The following SEC24C variants were observed in gnomAD, a reference collection of about 807,000 sequenced individuals.
SEC24C encodes the protein SEC24 homolog C, COPII component, also known as protein transport protein Sec24C.
SEC24C carries 22 observed loss-of-function variants against 117.0 expected under a neutral mutation model. That is an observed-to-expected ratio of 0.19 (90% CI 0.13 to 0.27). SEC24C has a LOEUF of 0.27. Among genes scored for constraint, SEC24C ranks in the 10% least tolerant of loss-of-function variants. SEC24C has a pLI of 1.00. For missense variants in SEC24C, 1,155 were observed against 1,375.1 expected, an observed-to-expected ratio of 0.84 and a Z score of 2.53; for synonymous variants, 506 against 529.4, an observed-to-expected ratio of 0.96 and a Z score of 0.61.
At position 73,769,753 on chromosome 10, in the gene SEC24C, G is replaced by A. The variant is rs760474307; in HGVS notation, c.2682+20G>A. 1 of 1,613,036 alleles carries A rather than the reference G, an allele frequency of 6.2e-7. No homozygotes were observed. On this transcript the variant is annotated intron_variant, in intron 19 of 22. Coordinates refer to ENST00000345254, the MANE Select transcript of SEC24C (RefSeq NM_198597.3). This position sits in a 1 kb window ranked among gnomAD's most constrained non-coding sequence, Gnocchi z 4.5. ...GGACAGGTGGGGCAAGTATATTAGT[G>A]GGAGGTGGGGTTGTTGGGACAAATG...
At chr10:73,755,529 T>A (rs1187113452) in intron 3 of SEC24C, among the ~76,000 whole-genome samples, 1 of 151,364 alleles carries the variant, frequency 6.6e-6, no homozygotes, top group Admixed American at 6.6e-5. Flanking sequence ...TACAAAAAAT[T>A]AGCTGGGCGC....
chr10:73,749,467 G>A (rs1589509620), intron 2 of SEC24C, among the ~76,000 whole-genome samples: 1 of 151,934 alleles, frequency 6.6e-6, no homozygotes, highest in African/African-American at 2.4e-5. Context: ...GTAATGTCAT[G>A]GTAATAAGAT....
In SEC24C at chr10:73,765,474, T is replaced by A. The variant is rs375307989; in HGVS notation, c.1251T>A (p.His417Gln). Residue 417 changes from histidine (H) to glutamine (Q), a missense_variant, in exon 9 of 23, where the codon CAT (histidine) becomes CAA (glutamine). His to Gln is a conservative substitution (Grantham distance 24, BLOSUM62 0). Around this residue, in one of 2 missense-constraint regions of SEC24C, gnomAD observed 759 missense variants for 992.3 expected, o/e 0.76. Transcript: ENST00000345254. ...PEEASPYVVD[H>Q]GESGPLRCNR... ...AGGCTTCACCGTATGTTGTGGACCA[T>A]GGGGAATCTGGCCCTTTGCGCTGCA... 21 of 1,613,660 alleles carry A rather than the reference T, an allele frequency of 1.3e-5. No individual in the cohort carries two copies. The Admixed American group carries it at 1.3e-4, about 10-fold the overall frequency.
chr10:73,765,995 C>A, intron 10 of SEC24C, 80 bp downstream of exon 10: 1 of 1,587,544 alleles, frequency 6.3e-7, no homozygotes, highest in Non-Finnish European at 8.6e-7. Context: ...TTTCCCTCAC[C>A]CCTTTTTTGT....
At position 73,746,063 on chromosome 10, in the gene SEC24C, G is replaced by T. The variant is rs746963529; in HGVS notation, c.-28-742G>T. The stretch of plus-strand genomic sequence containing the variant: ...TAATCCCAGCTACTCGGGAGGCTGA[G>T]GCAGGAGAATCGTTTGAACCCAGGA... On this transcript the variant is annotated intron_variant, in intron 1 of 22. Transcript: ENST00000345254. 1.6e-4 allele frequency among the ~76,000 whole-genome samples: 24 copies of T among 150,848 alleles called. 1 individual carries two copies. Among genetic ancestry groups the T allele is most frequent in the Admixed American group, 1.6e-3 (24 of 15,094 alleles).
intron 2 of SEC24C, 53 bp downstream of exon 2, chr10:73,747,057 T>C (rs562029779): frequency 4.0e-5 from 62 of 1,549,794 alleles, no homozygotes; most frequent in Non-Finnish European, 4.9e-5. Context: ...CAGCAGAGTC[T>C]TCAGGTTGGG....
intron 2 of SEC24C, among the ~76,000 whole-genome samples, chr10:73,750,081 G>A (rs2082622844): frequency 6.6e-6 from 1 of 152,192 alleles, no homozygotes; most frequent in Non-Finnish European, 1.5e-5. Context: ...ATGAGATTAG[G>A]CCCCAGGTCT....
rs904610331 is a variant in SEC24C, at chr10:73,759,722, G to A, written c.409G>A (p.Ala137Thr). Residue 137 changes from alanine (A) to threonine (T), a missense_variant, in exon 4 of 23, where the codon GCT becomes ACT. By Grantham distance (58) the Ala-to-Thr change is moderately conservative (BLOSUM62 0). Transcript: ENST00000345254. ...CCCTCCCCCGACAAGTGCACAGGTG[G>A]CTACGCAGCTGTCTGGAATGCAGAT... The part of the protein sequence containing the change: ...YGPPPTSAQV[A>T]TQLSGMQISG... 1.9e-6 allele frequency: 3 copies of A among 1,610,442 alleles called. No individual in the cohort carries two copies. The highest frequency in any genetic ancestry group is 2.2e-5 in the South Asian group (2 of 90,624).
At position 73,753,145 on chromosome 10, in the gene SEC24C, G is replaced by A. The variant is rs773175484; in HGVS notation, c.308+1902G>A. Among the ~76,000 whole-genome samples the A allele has an allele frequency of 1.8e-3, 274 of 152,150 alleles. 1 individual carries two copies. Among genetic ancestry groups the A allele is most frequent in the Admixed American group, 4.1e-3 (63 of 15,294 alleles). On this transcript the variant is annotated intron_variant, in intron 3 of 22. Transcript: ENST00000345254. ...GTTCACTACACTCTCCAGCTCCTGGGTTCAGGCGATTCTCCAGCCTCAGCC... is the reference window on the plus strand; with the variant it reads ...GTTCACTACACTCTCCAGCTCCTGGATTCAGGCGATTCTCCAGCCTCAGCC...
chr10:73,749,939 G>T (rs1449013886), intron 2 of SEC24C, among the ~76,000 whole-genome samples: 1 of 152,160 alleles, frequency 6.6e-6, no homozygotes, highest in Non-Finnish European at 1.5e-5. Context: ...TAGGCTAGCC[G>T]ATGATTTAGG....
chr10:73,762,975 C>T (rs567916415), intron 6 of SEC24C, among the ~76,000 whole-genome samples: 1 of 152,324 alleles, frequency 6.6e-6, no homozygotes, highest in African/African-American at 2.4e-5. Context: ...TCATTTCTGG[C>T]TGTTTAAATC....
chr10:73,768,739 G>C, intron 15 of SEC24C, 71 bp from the exon 16 acceptor site: 1 of 1,419,506 alleles, frequency 7.0e-7, no homozygotes, highest in African/African-American at 1.4e-5. Context: ...AGTGGAAGGG[G>C]TACAGGGAGA....
chr10:73,752,304 G>T (rs1439836163), intron 3 of SEC24C, among the ~76,000 whole-genome samples: 1 of 152,052 alleles, frequency 6.6e-6, no homozygotes, highest in Non-Finnish European at 1.5e-5. Context: ...TGTATTTTTA[G>T]TAGAGATGGG....
chr10:73,760,450 G>T, intron 5 of SEC24C, 64 bp downstream of exon 5: 1 of 1,496,896 alleles, frequency 6.7e-7, no homozygotes, highest in Non-Finnish European at 8.9e-7. Flanking sequence ...GGTTTTTGAT[G>T]TTTTTTATTT....
At chr10:73,755,125 C>T (rs2082691902) in intron 3 of SEC24C, among the ~76,000 whole-genome samples, 1 of 151,652 alleles carries the variant, frequency 6.6e-6, no homozygotes, top group East Asian at 1.9e-4. Context: ...AGAGTAAGAC[C>T]CCATCTCAAA....
chr10:73,757,870 T>C (rs968991374), intron 3 of SEC24C, among the ~76,000 whole-genome samples: 1 of 126,826 alleles, frequency 7.9e-6, no homozygotes, highest in South Asian at 2.4e-4. Flanking sequence ...GAGCCACAGA[T>C]AGTGAGTGCC....
Position 73,759,633 on chromosome 10 carries a change from C to T in SEC24C, c.320C>T (p.Ser107Phe), listed in dbSNP as rs767612523. ...CTTTCTTTTCACAGGCTGCCTGGGT[C>T]TCAGCCATTTGGGTCCCCATTGGCC... ...STVQMQRLPG[S>F]QPFGSPLAPV... The change falls in exon 4 of 23, where the codon TCT becomes TTT. Residue 107 changes from serine to phenylalanine, a missense_variant. Coordinates refer to ENST00000345254, the MANE Select transcript of SEC24C (RefSeq NM_198597.3). 7.2e-6 allele frequency: 11 copies of T among 1,528,638 alleles called. No homozygotes were observed. Among genetic ancestry groups the T allele is most frequent in the East Asian group, 4.7e-5 (2 of 42,472 alleles). 94.7% of individuals were successfully genotyped at this position (1,528,638 alleles called of 1,614,324 possible). A position where few individuals can be genotyped will look rare whatever the true frequency, so the allele number is the denominator to read the frequency against.
At chr10:73,766,735 TG>T in intron 12 of SEC24C, 24 bp from the exon 13 acceptor site, 3 of 1,606,184 alleles carry the variant, frequency 1.9e-6, no homozygotes, top group Non-Finnish European at 2.6e-6. Flanking sequence ...CAATTTTGGT[TG>T]TTTTCCGTCA....
chr10:73,750,557 T>A (rs2082628686), intron 2 of SEC24C, among the ~76,000 whole-genome samples: 2 of 152,366 alleles, frequency 1.3e-5, no homozygotes, highest in African/African-American at 4.8e-5. Context: ...TAGGAACACG[T>A]TCCTGAATCG....
Sources: allele counts gnomAD v4.1 joint callset (sites outside exome capture counted in the v4.1 genomes callset), GRCh38; gene constraint gnomAD v4.1.1; regional missense constraint gnomAD v4.1.1; non-coding constraint Gnocchi (gnomAD v3.1); transcripts MANE v1.5; gene names NCBI Gene and HGNC (gene_info 2026-07-23, HGNC 2026-07-21).